PPM1G: variants seen among roughly 807,000 people sequenced by gnomAD.
The protein encoded by PPM1G is protein phosphatase, Mg2+/Mn2+ dependent 1G, also known as protein phosphatase 1G.
In PPM1G, 12 loss-of-function variants were observed where a neutral mutation model predicts 59.4. The observed-to-expected ratio is 0.20, with a 90% confidence interval of 0.13 to 0.33. PPM1G has a LOEUF of 0.33. Among genes scored for constraint, PPM1G ranks in the 10% least tolerant of loss-of-function variants. The probability of loss-of-function intolerance (pLI) is 1.00; values close to 1 mark genes in which losing one functional copy is unlikely to be tolerated. For synonymous variants in PPM1G, 245 were observed against 251.9 expected (o/e 0.97, Z 0.26); for missense variants, 392 against 681.3 (o/e 0.58, Z 4.73).
At chr2:27,395,486 G>A (rs1384486581) in intron 1 of PPM1G, among the ~76,000 whole-genome samples, 1 of 152,122 alleles carries the variant, frequency 6.6e-6, no homozygotes, top group Non-Finnish European at 1.5e-5. Flanking sequence ...CTGAGATCAT[G>A]CCGCTGCACT....
At position 27,382,553 on chromosome 2, in the gene PPM1G, A is replaced by G; in HGVS notation, c.1254T>C (p.Ile418=). 6.2e-7 allele frequency: 1 copy of G among 1,614,224 alleles called. No individual in the cohort carries two copies. The change falls in exon 8 of 10, where the codon ATT becomes ATC. Residue 418 remains isoleucine, a synonymous_variant. Transcript: ENST00000344034. The surrounding 1 kb of genome is among the most constrained non-coding windows in gnomAD (Gnocchi z 4.2). ...GCACCTTGATGTCAGGAAGGGCTGA[A>G]ATCATCTGTTCCTCAGGTGGCAGGT... ...NKNLPPEEQM[I]SALPDIKVLT...
Position 27,383,717 on chromosome 2 carries a change from A to C in PPM1G, c.967-117T>G. ...TGGGACCCCCAAAAGAGCTTTAACAAACAGGAGAAGCACACATTTCATCTT... is the reference window on the plus strand; with the variant it reads ...TGGGACCCCCAAAAGAGCTTTAACACACAGGAGAAGCACACATTTCATCTT... On this transcript the variant is annotated intron_variant, in intron 6 of 9. Coordinates refer to ENST00000344034, the MANE Select transcript of PPM1G (RefSeq NM_177983.3). This position sits in a 1 kb window ranked among gnomAD's most constrained non-coding sequence, Gnocchi z 5.0. 8.3e-7 allele frequency: 1 copy of C among 1,199,554 alleles called. No individual in the cohort carries two copies. Among genetic ancestry groups the C allele is most frequent in the South Asian group, 1.5e-5 (1 of 66,358 alleles). The allele number at this position is 1,199,554 out of a possible 1,614,324, so 74.3% of individuals were successfully genotyped here.
At chr2:27,401,827 G>A (rs889291808) in intron 1 of PPM1G, among the ~76,000 whole-genome samples, 3 of 150,054 alleles carry the variant, frequency 2.0e-5, no homozygotes, top group African/African-American at 7.4e-5. Flanking sequence ...ACCCTGTCTC[G>A]AAAAAAGAAA....
intron 1 of PPM1G, chr2:27,393,266 A>AGCCACGCAC (rs1683962020): frequency 6.3e-7 from 1 of 1,592,758 alleles, no homozygotes; most frequent in African/African-American, 1.3e-5. Context: ...CGCACAGGTA[A>AGCCACGCAC]ATGGAGGAGG....
intron 1 of PPM1G, chr2:27,393,297 T>A: frequency 6.3e-7 from 1 of 1,598,066 alleles, no homozygotes; most frequent in Non-Finnish European, 8.5e-7. Flanking sequence ...CAGGTTGATC[T>A]GGCGGTTGAT....
Position 27,385,932 on chromosome 2 carries a change from C to T in PPM1G, c.277-53G>A. The stretch of plus-strand genomic sequence containing the variant: ...TAGTACAAAATGAACTCCCTATATA[C>T]AATCCTGAGCACAAGGATGGAATAC... On this transcript the variant is annotated intron_variant, in intron 3 of 9. Coordinates refer to ENST00000344034, the MANE Select transcript of PPM1G (RefSeq NM_177983.3). The surrounding 1 kb of genome is among the most constrained non-coding windows in gnomAD (Gnocchi z 4.1). The T allele has an allele frequency of 1.3e-6, 2 of 1,556,030 alleles. No homozygotes were observed. Among genetic ancestry groups the T allele is most frequent in the Admixed American group, 4.0e-5 (2 of 49,922 alleles).
Position 27,381,539 on chromosome 2 carries a change from T to G in PPM1G, c.*60A>C, listed in dbSNP as rs955115219. 7.6e-5 allele frequency: 121 copies of G among 1,595,524 alleles called. No individual in the cohort carries two copies. The highest frequency in any genetic ancestry group is 1.0e-4 in the Non-Finnish European group (118 of 1,163,986). ...TAAGGCTAAAGGAAAAAGACAAAAC[T>G]CAGTCTCAGGTCCGGAGGGCTCAGA... is the stretch of plus-strand genomic sequence containing the variant. On this transcript the variant is annotated 3_prime_UTR_variant, in exon 10 of 10. Transcript: ENST00000344034.
chr2:27,391,576 T>C (rs1683903817), intron 1 of PPM1G, among the ~76,000 whole-genome samples: 1 of 152,320 alleles, frequency 6.6e-6, no homozygotes, highest in Admixed American at 6.5e-5. Context: ...TAGACTTTTG[T>C]TGGATGTATA....
rs528072831 is a variant in PPM1G, at chr2:27,388,559, T to C, written c.121-1401A>G. 4.0e-3 allele frequency among the ~76,000 whole-genome samples: 608 copies of C among 152,116 alleles called. 2 individuals are homozygous for C. The highest frequency in any genetic ancestry group is 6.8e-3 in the Non-Finnish European group (462 of 67,990). Reference sequence around the variant, plus strand: ...ATGAGTTCACAATATCTTAAGTGGTTAAAAGCAAAAAGTTAAAAAAGTATC... The same window carrying C: ...ATGAGTTCACAATATCTTAAGTGGTCAAAAGCAAAAAGTTAAAAAAGTATC... On this transcript the variant is annotated intron_variant, in intron 1 of 9. Transcript: ENST00000344034.
At position 27,392,293 on chromosome 2, in the gene PPM1G, T is replaced by TTTG. The variant is rs1553313464; in HGVS notation, c.121-5136_121-5135insCAA. ...GTTTTGTTGGTTTGTTTTGTTTTTTTTTTTTTTTTTTTTTTTTGAGAGAGA... is the reference window on the plus strand; with the variant it reads ...GTTTTGTTGGTTTGTTTTGTTTTTTTTTGTTTTTTTTTTTTTTTTTGAGAGAGA... On this transcript the variant is annotated intron_variant, in intron 1 of 9. Transcript: ENST00000344034. Among the ~76,000 whole-genome samples the TTTG allele has an allele frequency of 4.1e-3, 383 of 92,722 alleles. 5 individuals carry two copies. Among genetic ancestry groups the TTTG allele is most frequent in the African/African-American group, 0.016 (369 of 22,690 alleles). The allele number at this position is 92,722 out of a possible 152,430, so 60.8% of individuals were successfully genotyped here. A position where few individuals can be genotyped will look rare whatever the true frequency, so the allele number is the denominator to read the frequency against.
chr2:27,407,937 C>T (rs1663418355), intron 1 of PPM1G, among the ~76,000 whole-genome samples: 1 of 151,936 alleles, frequency 6.6e-6, no homozygotes, highest in Non-Finnish European at 1.5e-5. Context: ...ATCCCAACTA[C>T]TAGGGAGGCT....
At chr2:27,392,702 G>C (rs1370126631) in intron 1 of PPM1G, 1 of 825,732 alleles carries the variant, frequency 1.2e-6, no homozygotes, top group Non-Finnish European at 2.1e-6. Flanking sequence ...TTATAGAAAA[G>C]GTAAAGGAAA....
chr2:27,382,155 G>T lies in PPM1G; in HGVS notation c.1405C>A (p.Leu469Ile), dbSNP rs769426819. Residue 469 changes from leucine to isoleucine, a missense_variant, in exon 9 of 10, where the codon CTT becomes ATT. By Grantham distance (5) the Leu-to-Ile change is conservative (BLOSUM62 2). This residue lies in a region of PPM1G where 29 missense variants were observed against 38.9 expected (regional missense o/e 0.75). Transcript: ENST00000344034. The surrounding 1 kb of genome is among the most constrained non-coding windows in gnomAD (Gnocchi z 4.2). ...KISQRDENGE[L>I]RLLSSIVEEL... ...TCCACAATGGATGACAATAACCGAA[G>T]CTCCCCATTTTCATCACGCTGGCTG... 41 of 1,614,050 alleles carry T rather than the reference G, an allele frequency of 2.5e-5. No homozygotes were observed. The highest frequency in any genetic ancestry group is 3.1e-5 in the Non-Finnish European group (37 of 1,180,022).
At chr2:27,390,781 G>A (rs1683880864) in intron 1 of PPM1G, among the ~76,000 whole-genome samples, 1 of 152,158 alleles carries the variant, frequency 6.6e-6, no homozygotes, top group Admixed American at 6.5e-5. Context: ...GTATCAAATA[G>A]GTAGTTTTTC....
Position 27,409,383 on chromosome 2 carries a change from A to G in PPM1G, c.40T>C (p.Ser14Pro). ...YLSQPNTVKC[S>P]GDGVGAPRLP... ...CGCGGGGCGCCGACCCCGTCCCCGGAGCACTTCACCGTGTTGGGCTGGGAG... is the reference window on the plus strand; with the variant it reads ...CGCGGGGCGCCGACCCCGTCCCCGGGGCACTTCACCGTGTTGGGCTGGGAG... Residue 14 changes from serine (S) to proline (P), a missense_variant, in exon 1 of 10, where the codon TCC (serine) becomes CCC (proline). Around this residue, in one of 6 missense-constraint regions of PPM1G, gnomAD observed 68 missense variants for 145.9 expected, o/e 0.47. Coordinates refer to ENST00000344034, the MANE Select transcript of PPM1G (RefSeq NM_177983.3). The G allele has an allele frequency of 6.5e-7, 1 of 1,541,020 alleles. No homozygotes were observed. The highest frequency in any genetic ancestry group is 8.7e-7 in the Non-Finnish European group (1 of 1,143,058).
chr2:27,400,263 G>A (rs549858392), intron 1 of PPM1G, among the ~76,000 whole-genome samples: 1 of 152,190 alleles, frequency 6.6e-6, no homozygotes, highest in Admixed American at 6.5e-5. Context: ...TTAGCCGGGT[G>A]TGATGGTGGG....
chr2:27,395,266 A>T (rs1458834666), intron 1 of PPM1G, among the ~76,000 whole-genome samples: 1 of 150,676 alleles, frequency 6.6e-6, no homozygotes, highest in Non-Finnish European at 1.5e-5. Flanking sequence ...AAAGAAAGAA[A>T]GAAAAACTTA....
intron 1 of PPM1G, among the ~76,000 whole-genome samples, chr2:27,394,489 G>C (rs547431595): frequency 2.2e-3 from 329 of 152,016 alleles, no homozygotes; most frequent in Non-Finnish European, 3.5e-3. Flanking sequence ...CCACCACTTT[G>C]GGAGGCCGAG....
At chr2:27,392,698 A>C in intron 1 of PPM1G, 1 of 805,396 alleles carries the variant, frequency 1.2e-6, no homozygotes, top group South Asian at 1.4e-5. Context: ...CAACTTATAG[A>C]AAAGGTAAAG....
Sources: allele counts gnomAD v4.1 joint callset (sites outside exome capture counted in the v4.1 genomes callset), GRCh38; gene constraint gnomAD v4.1.1; regional missense constraint gnomAD v4.1.1; non-coding constraint Gnocchi (gnomAD v3.1); transcripts MANE v1.5; gene names NCBI Gene and HGNC (gene_info 2026-07-23, HGNC 2026-07-21).